The following WDPCP variants were observed in gnomAD, a reference collection of about 807,000 sequenced individuals.
The protein encoded by WDPCP is WD repeat-containing and planar cell polarity effector protein fritz homolog.
Under a neutral mutation model 93.1 loss-of-function variants are expected in WDPCP, and 71 were observed. The observed-to-expected ratio is 0.76, with a 90% CI of 0.63 to 0.93. The LOEUF is 0.93. Ranked by LOEUF, WDPCP falls within the 40% of genes least tolerant of loss-of-function variation. The pLI, the probability that WDPCP is intolerant of heterozygous loss-of-function variation, is 0.00. For synonymous variants in WDPCP, 315 were observed against 315.0 expected, an observed-to-expected ratio of 1.00 and a Z score of 0.00; for missense variants, 844 against 887.4, an observed-to-expected ratio of 0.95 and a Z score of 0.62.
chr2:63,761,591 A>G (rs1470139107), intron 2 of WDPCP, among the ~76,000 whole-genome samples: 5 of 152,188 alleles, frequency 3.3e-5, no homozygotes, highest in African/African-American at 1.2e-4. Flanking sequence ...AAGAACTTGG[A>G]GTCTCATGTT....
Position 63,776,013 on chromosome 2 carries a change from A to T in WDPCP, n.308+37609T>A, listed in dbSNP as rs189059098. ...CAAGAGTTTGAGGCTGCAGTGAGCT[A>T]TGATTGCACCACTGCACTCCAGCGT... On this transcript the variant is annotated intron_variant and non_coding_transcript_variant, in intron 2 of 4. Transcript: ENST00000467687. Among the ~76,000 whole-genome samples the T allele has an allele frequency of 5.9e-3, 892 of 152,186 alleles. 7 individuals are homozygous for T. The highest frequency in any genetic ancestry group is 9.6e-3 in the Non-Finnish European group (655 of 67,990).
At chr2:63,386,734 G>A (rs766502581) in intron 10 of WDPCP, among the ~76,000 whole-genome samples, 2 of 151,962 alleles carry the variant, frequency 1.3e-5, no homozygotes, top group Non-Finnish European at 2.9e-5. Flanking sequence ...GTAGATGAAA[G>A]TACATAGCAT....
chr2:63,805,756 A>G (rs1426356557), intron 2 of WDPCP, among the ~76,000 whole-genome samples: 1 of 152,200 alleles, frequency 6.6e-6, no homozygotes, highest in Non-Finnish European at 1.5e-5. Context: ...TATAACAGGA[A>G]TGTACCACAA....
chr2:63,232,226 C>G (rs914085168), intron 14 of WDPCP, among the ~76,000 whole-genome samples: 1 of 152,188 alleles, frequency 6.6e-6, no homozygotes, highest in Admixed American at 6.6e-5. Flanking sequence ...ACCATAAAAA[C>G]CCTAGAAGCA....
intron 14 of WDPCP, among the ~76,000 whole-genome samples, chr2:63,181,697 A>G (rs1228393217): frequency 6.6e-6 from 1 of 151,496 alleles, no homozygotes; most frequent in African/African-American, 2.4e-5. Flanking sequence ...ATTCTATATG[A>G]ATTTTAGGAT....
chr2:63,409,270 C>A (rs908024490), intron 9 of WDPCP, among the ~76,000 whole-genome samples: 26 of 152,136 alleles, frequency 1.7e-4, no homozygotes, highest in Admixed American at 1.2e-3. Flanking sequence ...AGGTAGACTT[C>A]CTGGGTGGCT....
chr2:63,152,747 T>C (rs990757232), intron 17 of WDPCP, among the ~76,000 whole-genome samples, 167 bp downstream of exon 17: 1 of 152,186 alleles, frequency 6.6e-6, no homozygotes, highest in South Asian at 2.1e-4. Flanking sequence ...AGCTGAATAG[T>C]TTTTTAGAAG....
chr2:63,437,399 C>G (rs761032857), intron 8 of WDPCP, 22 bp downstream of exon 8: 1 of 1,557,874 alleles, frequency 6.4e-7, no homozygotes, highest in Admixed American at 1.7e-5. Flanking sequence ...AATAATATGA[C>G]TATATAAATC....
intron 2 of WDPCP, among the ~76,000 whole-genome samples, chr2:63,733,183 ATTT>A (rs70965141): frequency 1.7e-4 from 16 of 94,942 alleles, no homozygotes; most frequent in African/African-American, 4.9e-4. Context: ...CAAATAAATG[ATTT>A]TTTTTTTTTT....
At chr2:63,202,173 T>A (rs1675964996) in intron 14 of WDPCP, among the ~76,000 whole-genome samples, 1 of 151,980 alleles carries the variant, frequency 6.6e-6, no homozygotes, top group Non-Finnish European at 1.5e-5. Flanking sequence ...TTTATATATA[T>A]ATAGGATTTT....
chr2:63,341,715 C>G (rs1688854060), intron 12 of WDPCP, among the ~76,000 whole-genome samples: 1 of 152,146 alleles, frequency 6.6e-6, no homozygotes, highest in Non-Finnish European at 1.5e-5. Flanking sequence ...TTGGTCTCTG[C>G]TGTTTGGTGC....
intron 2 of WDPCP, among the ~76,000 whole-genome samples, chr2:63,702,246 G>C (rs1051272163): frequency 5.9e-5 from 9 of 152,022 alleles, no homozygotes; most frequent in African/African-American, 1.9e-4. Flanking sequence ...GGCTGGTCTT[G>C]AACTCCTGAC....
Position 63,484,644 on chromosome 2 carries a change from C to A in WDPCP, c.344G>T (p.Arg115Leu). 1 of 1,612,812 alleles carries A rather than the reference C, an allele frequency of 6.2e-7. No individual in the cohort carries two copies. The highest frequency in any genetic ancestry group is 8.5e-7 in the Non-Finnish European group (1 of 1,179,232). ...GTTCTTCCATTTGCTCAGCACACAC[C>A]GACTGTTTTGCATCAGCTCCTGAAG... ...KELEELMQNSRCVLSKWKNKY... is the reference protein window; with the variant it reads ...KELEELMQNSLCVLSKWKNKY... Residue 115 changes from arginine (R) to leucine (L), a missense_variant, in exon 6 of 18, where the codon CGG becomes CTG. Arg to Leu is a moderately radical substitution (Grantham distance 102). Coordinates refer to ENST00000272321, the MANE Select transcript of WDPCP (RefSeq NM_015910.7).
intron 2 of WDPCP, among the ~76,000 whole-genome samples, chr2:63,745,385 G>A (rs1669779796): frequency 6.6e-6 from 1 of 152,096 alleles, no homozygotes; most frequent in African/African-American, 2.4e-5. Flanking sequence ...GTATCAACTG[G>A]CAATGCTGCC....
chr2:63,608,753 T>TG (rs1375364218), intron 3 of WDPCP, among the ~76,000 whole-genome samples: 4 of 152,160 alleles, frequency 2.6e-5, no homozygotes, highest in Non-Finnish European at 5.9e-5. Context: ...AAGGCTGCAG[T>TG]GAGCTAGGAT....
At chr2:63,618,352 C>A (rs1368901646) in intron 3 of WDPCP, among the ~76,000 whole-genome samples, 1 of 152,208 alleles carries the variant, frequency 6.6e-6, no homozygotes, top group Non-Finnish European at 1.5e-5. Context: ...GTACAATCGG[C>A]AACTAAGGTA....
intron 14 of WDPCP, among the ~76,000 whole-genome samples, chr2:63,178,905 G>A (rs202228586): frequency 6.6e-6 from 1 of 151,756 alleles, no homozygotes; most frequent in Non-Finnish European, 1.5e-5. Context: ...GATATGGCTT[G>A]GATGTTCCCT....
At chr2:63,401,948 T>A (rs910011568) in intron 10 of WDPCP, among the ~76,000 whole-genome samples, 1 of 152,150 alleles carries the variant, frequency 6.6e-6, no homozygotes, top group Non-Finnish European at 1.5e-5. Flanking sequence ...AGAAATACCA[T>A]GTTACCCAGC....
chr2:63,358,309 GT>G lies in WDPCP; in HGVS notation c.1748+20076del, dbSNP rs557575967. 2.1e-3 allele frequency among the ~76,000 whole-genome samples: 315 copies of G among 147,884 alleles called. 3 individuals are homozygous for G. Among genetic ancestry groups the G allele is most frequent in the South Asian group, 0.015 (70 of 4,628 alleles). Reference sequence around the variant, plus strand: ...ATTTCAGTCCTGTTACTATATTCCTGTTTTTTTTTTAACTAGCACTCACAGC... The same window carrying G: ...ATTTCAGTCCTGTTACTATATTCCTGTTTTTTTTTAACTAGCACTCACAGC... On this transcript the variant is annotated intron_variant, in intron 12 of 17. Coordinates refer to ENST00000272321, the MANE Select transcript of WDPCP (RefSeq NM_015910.7).
Sources: gnomAD v4.1 joint callset for allele counts (sites outside exome capture counted in the v4.1 genomes callset) on GRCh38, gnomAD v4.1.1 for gene constraint, MANE v1.5 for transcripts, NCBI Gene and HGNC (gene_info 2026-07-23, HGNC 2026-07-21) for gene names.